The following COL18A1 variants were observed in gnomAD, a reference collection of about 807,000 sequenced individuals.
The protein encoded by COL18A1 is collagen type XVIII alpha 1 chain.
COL18A1 carries 133 observed loss-of-function variants against 168.0 expected under a neutral mutation model. The ratio of observed to expected loss-of-function variants is 0.79; its 90% CI spans 0.69 to 0.91. COL18A1 has a LOEUF of 0.91. Among genes scored for constraint, COL18A1 ranks in the 40% least tolerant of loss-of-function variants. COL18A1 has a pLI of 0.00. For synonymous variants in COL18A1, 949 were observed against 809.0 expected (o/e 1.17, Z -2.94); for missense variants, 2,126 against 1,925.4 (o/e 1.10, Z -1.95).
At chr21:45,477,556 C>G (rs1183252592) in intron 7 of COL18A1, 69 bp downstream of exon 7, 4 of 1,444,950 alleles carry the variant, frequency 2.8e-6, no homozygotes, top group Non-Finnish European at 3.8e-6. Flanking sequence ...GGGCCACTCA[C>G]TGGTGAGCCC....
At chr21:45,488,530 C>A in intron 18 of COL18A1, 86 bp downstream of exon 18, 1 of 1,595,100 alleles carries the variant, frequency 6.3e-7, no homozygotes, top group Non-Finnish European at 8.6e-7. Flanking sequence ...AGGGCCTTGC[C>A]TCGGGTTTTC....
At chr21:45,459,709 C>G (rs1602434514) in intron 2 of COL18A1, among the ~76,000 whole-genome samples, 1 of 152,104 alleles carries the variant, frequency 6.6e-6, no homozygotes, top group East Asian at 1.9e-4. Context: ...GGGAGTGAGG[C>G]CCCCTCACAC....
chr21:45,441,621 C>CT (rs915265551), intron 2 of COL18A1, among the ~76,000 whole-genome samples: 1 of 152,234 alleles, frequency 6.6e-6, no homozygotes, highest in Non-Finnish European at 1.5e-5. Context: ...TCTGCCATCT[C>CT]TGCTTCACCA....
intron 19 of COL18A1, among the ~76,000 whole-genome samples, chr21:45,489,750 TCCTC>T (rs1218373953): frequency 2.0e-5 from 3 of 151,230 alleles, no homozygotes; most frequent in Non-Finnish European, 4.4e-5. Flanking sequence ...AACATGGCCT[TCCTC>T]CCTCCCGGCT....
chr21:45,489,289 G>A (rs923691215), intron 18 of COL18A1, among the ~76,000 whole-genome samples, 197 bp from the exon 19 acceptor site: 3 of 152,182 alleles, frequency 2.0e-5, no homozygotes, highest in Admixed American at 6.5e-5. Flanking sequence ...CGTCCCGGCC[G>A]GGTGCCTTCA....
intron 15 of COL18A1, among the ~76,000 whole-genome samples, chr21:45,484,795 C>T (rs569305172): frequency 3.3e-5 from 5 of 152,220 alleles, no homozygotes; most frequent in South Asian, 2.1e-4. Context: ...TGTGCATACA[C>T]GTACACATGT....
In COL18A1 at chr21:45,494,580, G is replaced by A. The variant is rs776542907; in HGVS notation, c.2379+9G>A. 1 of 1,613,078 alleles carries A rather than the reference G, an allele frequency of 6.2e-7. No individual in the cohort carries two copies. Among genetic ancestry groups the A allele is most frequent in the Non-Finnish European group, 8.5e-7 (1 of 1,179,982 alleles). ...GCTTCCGAGGACCCCCGGTAAGTCG[G>A]TCCCTGGCTTTCTCTGCACTGAGCT... is the stretch of plus-strand genomic sequence containing the variant. On this transcript the variant is annotated intron_variant, in intron 27 of 41. Transcript: ENST00000651438.
chr21:45,493,550 T>A lies in COL18A1; in HGVS notation c.2327T>A (p.Leu776Gln). ...ATCTTCAGCCCCGACGGCGGTGCCC[T>A]GGGCCCTGCCCAGAAAGGAGCCAAG... ...GSIFSPDGGA[L>Q]GPAQKGAKGE... The change falls in exon 26 of 42, where the codon CTG (leucine) becomes CAG (glutamine). Residue 776 changes from leucine to glutamine, a missense_variant. Leu to Gln is a moderately radical substitution (Grantham distance 113, BLOSUM62 -2). Transcript: ENST00000651438. 1.9e-6 allele frequency: 3 copies of A among 1,558,072 alleles called. No homozygotes were observed. The highest frequency in any genetic ancestry group is 2.6e-6 in the Non-Finnish European group (3 of 1,151,720).
At chr21:45,455,643 C>A in intron 2 of COL18A1, 1 of 1,613,958 alleles carries the variant, frequency 6.2e-7, no homozygotes, top group Non-Finnish European at 8.5e-7. Context: ...AATGAGGACA[C>A]CAGCCATGCA....
chr21:45,455,740 C>G (rs1470586280), intron 2 of COL18A1: 1 of 1,613,728 alleles, frequency 6.2e-7, no homozygotes, highest in Non-Finnish European at 8.5e-7. Flanking sequence ...GGAATGGTTC[C>G]ACAGAGCCAG....
At chr21:45,419,919 G>A (rs553633562) in intron 2 of COL18A1, 1 of 152,224 alleles carries the variant, frequency 6.6e-6, no homozygotes, top group African/African-American at 2.4e-5. Context: ...TTACGGCCGT[G>A]TCCCCGCTCT....
Position 45,480,877 on chromosome 21 carries a change from G to C in COL18A1, c.1611+19G>C. 6.2e-7 allele frequency: 1 copy of C among 1,603,534 alleles called. No homozygotes were observed. Reference sequence around the variant, plus strand: ...CCTCCCGGTAAGTCCTGCCTCCACCGTCAGTGTCGGGAGCCCTGTCTGCTG... The same window carrying C: ...CCTCCCGGTAAGTCCTGCCTCCACCCTCAGTGTCGGGAGCCCTGTCTGCTG... On this transcript the variant is annotated intron_variant, in intron 13 of 41. Coordinates refer to ENST00000651438, the MANE Select transcript of COL18A1 (RefSeq NM_001379500.1).
intron 2 of COL18A1, among the ~76,000 whole-genome samples, chr21:45,432,708 G>A (rs1384174175): frequency 6.6e-6 from 1 of 152,242 alleles, no homozygotes; most frequent in African/African-American, 2.4e-5. Flanking sequence ...CCGTGGGTCC[G>A]TGGGCTGGGA....
chr21:45,456,470 C>T (rs1436360215), intron 2 of COL18A1: 11 of 1,545,578 alleles, frequency 7.1e-6, no homozygotes, highest in Non-Finnish European at 9.6e-6. Context: ...CTCTGTGGGG[C>T]CGGGTCTTGC....
At chr21:45,497,235 G>T in intron 31 of COL18A1, 143 bp downstream of exon 31, 1 of 714,772 alleles carries the variant, frequency 1.4e-6, no homozygotes, top group Non-Finnish European at 2.5e-6. Context: ...CCCCAGTTCC[G>T]ATGACCTTGG....
At chr21:45,472,287 G>A (rs2035463459) in intron 3 of COL18A1, among the ~76,000 whole-genome samples, 2 of 151,412 alleles carry the variant, frequency 1.3e-5, no homozygotes, top group Non-Finnish European at 2.9e-5. Flanking sequence ...GCAGTGGCAC[G>A]ATTGCGGCTC....
chr21:45,414,423 G>A (rs756948619), intron 2 of COL18A1, among the ~76,000 whole-genome samples: 10 of 152,234 alleles, frequency 6.6e-5, no homozygotes, highest in Non-Finnish European at 4.4e-5. Context: ...TTAGTCACAC[G>A]TTTCTATTGT....
intron 22 of COL18A1, among the ~76,000 whole-genome samples, chr21:45,491,676 C>A (rs910293835): frequency 2.0e-5 from 3 of 152,230 alleles, no homozygotes; most frequent in Non-Finnish European, 4.4e-5. Flanking sequence ...CTTGGCCCCT[C>A]TGGTGAAGGT....
chr21:45,476,507 TGTGTG>T (rs1377917260), intron 6 of COL18A1, 27 bp downstream of exon 6: 1 of 1,574,010 alleles, frequency 6.4e-7, no homozygotes, highest in Non-Finnish European at 8.6e-7. Context: ...ATGTGGTGTG[TGTGTG>T]GTGTGGGGTG....
Sources: gnomAD v4.1 joint callset for allele counts (sites outside exome capture counted in the v4.1 genomes callset) on GRCh38, gnomAD v4.1.1 for gene constraint, MANE v1.5 for transcripts, NCBI Gene and HGNC (gene_info 2026-07-23, HGNC 2026-07-21) for gene names.